GAS2L2: variants seen among roughly 807,000 people sequenced by gnomAD.
GAS2L2 encodes growth arrest specific 2 like 2.
A neutral mutation model predicts 35.2 loss-of-function variants in GAS2L2; 21 were observed. That is an observed-to-expected ratio of 0.60 (90% CI 0.42 to 0.86). The LOEUF is 0.86. Ranked by LOEUF, GAS2L2 falls within the 40% of genes least tolerant of loss-of-function variation. The pLI is 0.00. For missense variants in GAS2L2, 1,169 were observed against 1,144.4 expected, an observed-to-expected ratio of 1.02 and a Z score of -0.31; for synonymous variants, 490 against 473.2, an observed-to-expected ratio of 1.04 and a Z score of -0.46.
intron 2 of GAS2L2, among the ~76,000 whole-genome samples, chr17:35,749,812 G>T (rs1337360468): frequency 6.6e-6 from 1 of 152,222 alleles, no homozygotes; most frequent in South Asian, 2.1e-4. Context: ...CTTGAAAACT[G>T]TCCCAGCAGG....
chr17:35,746,439 A>G, intron 5 of GAS2L2, 28 bp from the exon 6 acceptor site: 1 of 1,311,122 alleles, frequency 7.6e-7, no homozygotes, highest in Non-Finnish European at 9.8e-7. Context: ...AAGGCTGCAA[A>G]GGGAGACTCA....
chr17:35,749,740 C>T (rs1487049749), intron 2 of GAS2L2, among the ~76,000 whole-genome samples: 1 of 152,156 alleles, frequency 6.6e-6, no homozygotes, highest in African/African-American at 2.4e-5. Flanking sequence ...AGTCACACAG[C>T]TGCAAAGCAG....
In GAS2L2 at chr17:35,745,417, C is replaced by G; in HGVS notation, c.2080G>C (p.Gly694Arg). 1 of 1,572,728 alleles carries G rather than the reference C, an allele frequency of 6.4e-7. No homozygotes were observed. The highest frequency in any genetic ancestry group is 8.6e-7 in the Non-Finnish European group (1 of 1,158,670). Residue 694 changes from glycine (G) to arginine (R), a missense_variant, in exon 6 of 6, where the codon GGG (glycine) becomes CGG (arginine). Physicochemically the swap from Gly to Arg is moderately radical, Grantham distance 125. Around this residue, in one of 3 missense-constraint regions of GAS2L2, gnomAD observed 1,035 missense variants for 976.5 expected, o/e 1.06. Coordinates refer to ENST00000604641, the MANE Select transcript of GAS2L2 (RefSeq NM_139285.4). ...CCACTCTGTCTGGCTCCCAACTTCC[C>G]TTTGAGGCTTCCCGGTCCTGGGGTA... ...AVTPGPGSLK[G>R]KLGARQSGPR...
chr17:35,746,209 T>C lies in GAS2L2; in HGVS notation c.1288A>G (p.Thr430Ala). ...WVHEETDSWGTDAGNPTPQRL... is the reference protein window; with the variant it reads ...WVHEETDSWGADAGNPTPQRL... ...TGTGGGGTGGGGTTCCCGGCGTCGG[T>C]TCCCCAGCTGTCTGTTTCTTCATGA... is the stretch of plus-strand genomic sequence containing the variant. Residue 430 changes from threonine (T) to alanine (A), a missense_variant, in exon 6 of 6, where the codon ACC (threonine) becomes GCC (alanine). Physicochemically the swap from Thr to Ala is moderately conservative, Grantham distance 58. Transcript: ENST00000604641. 1 of 1,482,816 alleles carries C rather than the reference T, an allele frequency of 6.7e-7. No homozygotes were observed. Among genetic ancestry groups the C allele is most frequent in the Non-Finnish European group, 9.0e-7 (1 of 1,115,660 alleles). 91.9% of individuals were successfully genotyped at this position (1,482,816 alleles called of 1,614,324 possible).
Position 35,745,214 on chromosome 17 carries a change from A to C in GAS2L2, c.2283T>G (p.Thr761=). The C allele has an allele frequency of 6.2e-7, 1 of 1,606,746 alleles. No homozygotes were observed. The part of the protein sequence containing the change: ...AKACLSKGRR[T]LRKPKRVPSI... ...ACGGGACCCTCTTGGGCTTCCGGAG[A>C]GTTCTCCTGCCCTTGCTCAGACATG... Residue 761 remains threonine, a synonymous_variant, in exon 6 of 6, where the codon ACT becomes ACG. Transcript: ENST00000604641.
rs1555598592 is a variant in GAS2L2, at chr17:35,744,980, C to T, written c.2517G>A (p.Glu839=). Residue 839 remains glutamate (E), a synonymous_variant, in exon 6 of 6, where the codon GAG becomes GAA. Coordinates refer to ENST00000604641, the MANE Select transcript of GAS2L2 (RefSeq NM_139285.4). The part of the protein sequence containing the change: ...RVDGASVGEE[E]EEGKEEKEPA... Reference sequence around the variant, plus strand: ...GCTCTTTCTCCTCCTTTCCTTCCTCCTCCTCCTCACCTACTGAAGCTCCAT... The same window carrying T: ...GCTCTTTCTCCTCCTTTCCTTCCTCTTCCTCCTCACCTACTGAAGCTCCAT... 1.2e-6 allele frequency: 2 copies of T among 1,614,164 alleles called. No homozygotes were observed. The highest frequency in any genetic ancestry group is 2.2e-5 in the East Asian group (1 of 44,884).
In GAS2L2 at chr17:35,747,243, C is replaced by T. The variant is rs200468085; in HGVS notation, c.858G>A (p.Lys286=). ...SLSHKPGSFL[K]PPAPPVQHEV... ...CATGCTGCACTGGTGGGGCCGGGGG[C>T]TTCAGGAAGCTGCCTGGCTTGTGTG... The change falls in exon 5 of 6, where the codon AAG becomes AAA. Residue 286 remains lysine (K), a synonymous_variant. Coordinates refer to ENST00000604641, the MANE Select transcript of GAS2L2 (RefSeq NM_139285.4). The T allele has an allele frequency of 1.5e-4, 249 of 1,611,918 alleles. No homozygotes were observed. Among genetic ancestry groups the T allele is most frequent in the Non-Finnish European group, 2.0e-4 (234 of 1,178,922 alleles).
chr17:35,747,642 C>A (rs1286970935), intron 4 of GAS2L2, among the ~76,000 whole-genome samples: 1 of 152,148 alleles, frequency 6.6e-6, no homozygotes, highest in African/African-American at 2.4e-5. Context: ...GCTGCTTCTG[C>A]GTGTGTTGCC....
At chr17:35,747,727 TC>T in intron 4 of GAS2L2, 121 bp downstream of exon 4, 1 of 758,542 alleles carries the variant, frequency 1.3e-6, no homozygotes, top group Non-Finnish European at 2.3e-6. Flanking sequence ...CCCCCACACC[TC>T]CCCACCTACC....
intron 1 of GAS2L2, 94 bp from the exon 2 acceptor site, chr17:35,750,412 G>A: frequency 1.3e-6 from 2 of 1,527,150 alleles, no homozygotes; most frequent in Non-Finnish European, 1.8e-6. Flanking sequence ...GGAAAGCACT[G>A]GGGTCATCCC....
Position 35,745,902 on chromosome 17 carries a change from C to G in GAS2L2, c.1595G>C (p.Gly532Ala). Residue 532 changes from glycine (G) to alanine (A), a missense_variant, in exon 6 of 6, where the codon GGG (glycine) becomes GCG (alanine). By Grantham distance (60) the Gly-to-Ala change is moderately conservative. Transcript: ENST00000604641. ...GGCCCTTAGTGGGATGGGGTCTCTC[C>G]CAAGTTCTGTCCTGGGACTTCCACT... is the stretch of plus-strand genomic sequence containing the variant. ...ATSGSPRTELGRDPIPLRAVT... is the reference protein window; with the variant it reads ...ATSGSPRTELARDPIPLRAVT... 6.2e-7 allele frequency: 1 copy of G among 1,613,246 alleles called. No homozygotes were observed. The highest frequency in any genetic ancestry group is 8.5e-7 in the Non-Finnish European group (1 of 1,179,996).
intron 3 of GAS2L2, among the ~76,000 whole-genome samples, chr17:35,748,271 A>C (rs2143021886): frequency 6.6e-6 from 1 of 152,346 alleles, no homozygotes; most frequent in Non-Finnish European, 1.5e-5. Flanking sequence ...CCCTAATGCC[A>C]CTGGCTTTGC....
rs1313548474 is a variant in GAS2L2 at position 35,750,255 on chromosome 17, C to T, written c.449G>A (p.Cys150Tyr). ...CGCCCGGCGGCCCAGCTCCAGCAAA[C>T]ACAGCACCACGTTCTTCACGTTCTT... ...LRKNVKNVVLCLLELGRRAWR... is the reference protein window; with the variant it reads ...LRKNVKNVVLYLLELGRRAWR... Residue 150 changes from cysteine (C) to tyrosine (Y), a missense_variant, in exon 2 of 6, where the codon TGT becomes TAT. By Grantham distance (194) the Cys-to-Tyr change is radical (BLOSUM62 -2). Transcript: ENST00000604641. The T allele has an allele frequency of 6.2e-7, 1 of 1,614,074 alleles. No homozygotes were observed.
intron 5 of GAS2L2, 71 bp from the exon 6 acceptor site, chr17:35,746,482 G>A: frequency 9.3e-7 from 1 of 1,073,990 alleles, no homozygotes; most frequent in Non-Finnish European, 1.2e-6. Flanking sequence ...TGTGGTCCCT[G>A]GCTTTGGGAA....
At position 35,746,146 on chromosome 17, in the gene GAS2L2, A is replaced by T. The variant is rs1482744642; in HGVS notation, c.1351T>A (p.Ser451Thr). ...GGCAGGGGAGATGGTCCTCTTGCTG[A>T]TATCCCTTTGGTGGTGGCCTCAATG... ...RAIEATTKGI[S>T]ARGPSPLPRS... The change falls in exon 6 of 6, where the codon TCA (serine) becomes ACA (threonine). Residue 451 changes from serine to threonine, a missense_variant. This residue lies in a region of GAS2L2 where 1,035 missense variants were observed against 976.5 expected (regional missense o/e 1.06). Coordinates refer to ENST00000604641, the MANE Select transcript of GAS2L2 (RefSeq NM_139285.4). 3 of 1,505,802 alleles carry T rather than the reference A, an allele frequency of 2.0e-6. No homozygotes were observed. Among genetic ancestry groups the T allele is most frequent in the Middle Eastern group, 1.8e-4 (1 of 5,548 alleles). The allele number at this position is 1,505,802 out of a possible 1,614,324, so 93.3% of individuals were successfully genotyped here.
At position 35,744,849 on chromosome 17, in the gene GAS2L2, G is replaced by T; in HGVS notation, c.*5C>A. 6.4e-7 allele frequency: 1 copy of T among 1,569,192 alleles called. No homozygotes were observed. The highest frequency in any genetic ancestry group is 8.7e-7 in the Non-Finnish European group (1 of 1,155,390). ...CTTCCCTCCTACCCAACACGCTCAT[G>T]TGCCTCAGACCCAGGACTCCTCCTC... On this transcript the variant is annotated 3_prime_UTR_variant, in exon 6 of 6. Transcript: ENST00000604641.
Position 35,747,393 on chromosome 17 carries a change from T to C in GAS2L2, c.833-125A>G, listed in dbSNP as rs1328465150. On this transcript the variant is annotated intron_variant, in intron 4 of 5. Transcript: ENST00000604641. ...ACATTAAAAACAGTGGGACCTACAG[T>C]GGCAACACCGGAGTTTCTTTACGGG... 8.9e-6 allele frequency: 10 copies of C among 1,119,900 alleles called. No homozygotes were observed. The African/African-American group carries it at 1.2e-4, about 14-fold the overall frequency. 69.4% of individuals were successfully genotyped at this position (1,119,900 alleles called of 1,614,324 possible).
rs587677612 is a variant in GAS2L2, at chr17:35,751,848, C to CTTTTTT, written c.385+612_385+617dup. ...TATCCCTCTACCTCTCTCTCTCTCTCTTTTTTTTTTTTTTTTTTTTTTTTT... is the reference window on the plus strand; with the variant it reads ...TATCCCTCTACCTCTCTCTCTCTCTCTTTTTTTTTTTTTTTTTTTTTTTTTTTTTTT... On this transcript the variant is annotated intron_variant, in intron 1 of 5. Coordinates refer to ENST00000604641, the MANE Select transcript of GAS2L2 (RefSeq NM_139285.4). Among the ~76,000 whole-genome samples the CTTTTTT allele has an allele frequency of 2.3e-3, 232 of 99,990 alleles. 29 individuals are homozygous for CTTTTTT. Among genetic ancestry groups the CTTTTTT allele is most frequent in the African/African-American group, 0.01 (215 of 20,526 alleles). The allele number at this position is 99,990 out of a possible 152,430, so 65.6% of individuals were successfully genotyped here.
rs782725749 is a variant in GAS2L2, at chr17:35,745,197, C to T, written c.2300G>A (p.Arg767Lys). ...KGRRTLRKPK[R>K]VPSIYKLKLR... Reference sequence around the variant, plus strand: ...CTTCAGCTTGTAGATGGACGGGACCCTCTTGGGCTTCCGGAGAGTTCTCCT... The same window carrying T: ...CTTCAGCTTGTAGATGGACGGGACCTTCTTGGGCTTCCGGAGAGTTCTCCT... Residue 767 changes from arginine to lysine, a missense_variant, in exon 6 of 6, where the codon AGG (arginine) becomes AAG (lysine). By Grantham distance (26) the Arg-to-Lys change is conservative (BLOSUM62 2). Transcript: ENST00000604641. 6.2e-7 allele frequency: 1 copy of T among 1,609,768 alleles called. No individual in the cohort carries two copies. Among genetic ancestry groups the T allele is most frequent in the South Asian group, 1.1e-5 (1 of 90,766 alleles).
Sources: gnomAD v4.1 joint callset for allele counts (sites outside exome capture counted in the v4.1 genomes callset) on GRCh38, gnomAD v4.1.1 for gene constraint, gnomAD v4.1.1 regional missense constraint, MANE v1.5 for transcripts, NCBI Gene and HGNC (gene_info 2026-07-23, HGNC 2026-07-21) for gene names.